Variants in MCF2L observed in about 807,000 individuals in gnomAD.
MCF2L encodes guanine nucleotide exchange factor DBS.
In MCF2L, 97 loss-of-function variants were observed where a neutral mutation model predicts 153.4. The observed-to-expected ratio is 0.63, with a 90% CI of 0.54 to 0.75. MCF2L has a LOEUF of 0.75. MCF2L is among the 30% of genes least tolerant of loss of function. The pLI is 0.00. For synonymous variants in MCF2L, 659 were observed against 632.2 expected, an observed-to-expected ratio of 1.04 and a Z score of -0.64; for missense variants, 1,347 against 1,495.2, an observed-to-expected ratio of 0.90 and a Z score of 1.64.
rs199990494 is a variant in MCF2L at position 113,076,131 on chromosome 13, G to A, written c.1474G>A (p.Glu492Lys). 43 of 1,613,522 alleles carry A rather than the reference G, an allele frequency of 2.7e-5. No individual in the cohort carries two copies. Among genetic ancestry groups the A allele is most frequent in the Middle Eastern group, 1.6e-4 (1 of 6,084 alleles). Residue 492 changes from glutamate (E) to lysine (K), a missense_variant, in exon 12 of 30, where the codon GAA (glutamate) becomes AAA (lysine). Physicochemically the swap from Glu to Lys is moderately conservative, Grantham distance 56. Around this residue, in one of 3 missense-constraint regions of MCF2L, gnomAD observed 820 missense variants for 921.2 expected, o/e 0.89. Transcript: ENST00000535094. ...GCTCAACGCGATTTACAAGGAATAC[G>A]AATCCATCCTCAACCAAGATCTCAT... is the stretch of plus-strand genomic sequence containing the variant. ...QELNAIYKEY[E>K]SILNQDLMEH...
chr13:113,061,661 G>C (rs1037220517), intron 5 of MCF2L, among the ~76,000 whole-genome samples: 1 of 148,026 alleles, frequency 6.8e-6, no homozygotes, highest in Non-Finnish European at 1.5e-5. Context: ...ACGGCCTGGG[G>C]CCTTTCCCCA....
At position 113,099,726 on chromosome 13, in the gene MCF2L, T is replaced by C. The variant is rs1357449049; in HGVS notation, c.*2867T>C. ...AAACTCCATATCAAATAAAAAATTTTAAATATGAGAGAACCATTATGAACA... is the reference window on the plus strand; with the variant it reads ...AAACTCCATATCAAATAAAAAATTTCAAATATGAGAGAACCATTATGAACA... On this transcript the variant is annotated 3_prime_UTR_variant, in exon 30 of 30. Coordinates refer to ENST00000535094, the MANE Select transcript of MCF2L (RefSeq NM_001112732.3). 1 of 152,180 alleles carries C rather than the reference T, an allele frequency of 6.6e-6. No individual in the cohort carries two copies. The highest frequency in any genetic ancestry group is 1.9e-4 in the East Asian group (1 of 5,206). 9.4% of individuals were successfully genotyped at this position (152,180 alleles called of 1,614,324 possible). A position where few individuals can be genotyped will look rare whatever the true frequency, so the allele number is the denominator to read the frequency against.
chr13:113,095,297 T>G, intron 27 of MCF2L: 1 of 1,176,210 alleles, frequency 8.5e-7, no homozygotes. Flanking sequence ...TCCCGGAGGC[T>G]CTGGAAGGGC....
chr13:113,062,852 G>A (rs1025705258), intron 5 of MCF2L, among the ~76,000 whole-genome samples: 4 of 152,162 alleles, frequency 2.6e-5, no homozygotes, highest in African/African-American at 7.2e-5. Context: ...GTGTGTAGAG[G>A]AGCTTATGCG....
intron 15 of MCF2L, among the ~76,000 whole-genome samples, chr13:113,080,199 G>A (rs112567898): frequency 1.3e-3 from 136 of 106,782 alleles, no homozygotes; most frequent in Middle Eastern, 7.5e-3. Flanking sequence ...GGGGGCATCC[G>A]CACAGAGGAG....
chr13:113,022,929 G>C lies in MCF2L; in HGVS notation c.164-1715G>C, dbSNP rs77151163. 7.7e-3 allele frequency among the ~76,000 whole-genome samples: 1,172 copies of C among 152,354 alleles called. 15 individuals carry two copies. The highest frequency in any genetic ancestry group is 0.027 in the African/African-American group (1,124 of 41,580). ...AGGTTTGTGAGTGAGTGACAGGCAC[G>C]TTCTATTGAGCACTGCATGGGGCAT... On this transcript the variant is annotated intron_variant, in intron 2 of 29. Transcript: ENST00000535094.
chr13:112,931,686 C>T (rs895309224), intron 2 of MCF2L, among the ~76,000 whole-genome samples: 2 of 152,188 alleles, frequency 1.3e-5, no homozygotes, highest in East Asian at 3.8e-4. Flanking sequence ...GTAAAAGCAA[C>T]TGGGCTTCTT....
chr13:112,937,863 G>T (rs1346784232), intron 2 of MCF2L, among the ~76,000 whole-genome samples: 1 of 152,194 alleles, frequency 6.6e-6, no homozygotes, highest in Non-Finnish European at 1.5e-5. Context: ...GGTGAACTGT[G>T]ATTGGTTGGT....
At chr13:112,915,671 A>G (rs1329779788) in intron 2 of MCF2L, among the ~76,000 whole-genome samples, 6 of 152,064 alleles carry the variant, frequency 3.9e-5, no homozygotes, top group African/African-American at 1.4e-4. Flanking sequence ...ATCTAATTAC[A>G]TGATTGCATG....
intron 4 of MCF2L, among the ~76,000 whole-genome samples, chr13:113,059,129 A>G (rs2030928283): frequency 6.6e-6 from 1 of 152,222 alleles, no homozygotes; most frequent in Non-Finnish European, 1.5e-5. Flanking sequence ...TTATGTTGCA[A>G]TCCCAGAGCT....
chr13:112,918,213 G>A (rs572789388), intron 2 of MCF2L, among the ~76,000 whole-genome samples: 17 of 152,306 alleles, frequency 1.1e-4, no homozygotes, highest in South Asian at 1.0e-3. Context: ...GCTCCTGAGC[G>A]CATGTTAGGG....
At chr13:112,963,700 G>A (rs1302634135) in intron 2 of MCF2L, among the ~76,000 whole-genome samples, 1 of 152,222 alleles carries the variant, frequency 6.6e-6, no homozygotes, top group Non-Finnish European at 1.5e-5. Context: ...AGGTAGGGCC[G>A]CTGCCTCTGC....
chr13:112,920,799 C>T (rs61961638), intron 2 of MCF2L, among the ~76,000 whole-genome samples: 12,436 of 151,938 alleles, frequency 0.082, 639 homozygotes, highest in South Asian at 0.14. Context: ...GGAAGAGCCC[C>T]ACAGGCTGAG....
At chr13:113,026,037 G>A (rs1163357334) in intron 3 of MCF2L, among the ~76,000 whole-genome samples, 132 of 87,642 alleles carry the variant, frequency 1.5e-3, no homozygotes, top group African/African-American at 5.8e-3. Context: ...ACTGTGGGTC[G>A]GGGCAGAGTC....
At chr13:112,955,586 G>A (rs2081747290) in intron 2 of MCF2L, among the ~76,000 whole-genome samples, 1 of 152,180 alleles carries the variant, frequency 6.6e-6, no homozygotes, top group South Asian at 2.1e-4. Flanking sequence ...GAGAGATTGA[G>A]TAACTCCCTC....
rs529613905 is a variant in MCF2L at position 112,933,166 on chromosome 13, G to A, written c.169+30795G>A. Among the ~76,000 whole-genome samples, 277 of 152,358 alleles carry A rather than the reference G, an allele frequency of 1.8e-3. 2 individuals are homozygous for A. The highest frequency in any genetic ancestry group is 3.5e-3 in the Admixed American group (54 of 15,308). On this transcript the variant is annotated intron_variant, in intron 2 of 29. Coordinates refer to the MCF2L transcript ENST00000375608. The stretch of plus-strand genomic sequence containing the variant: ...GAGACCCACAGCCTCCTGGAGGTCC[G>A]GGCGCTGGCCCCGCAGGGGTTGGCT...
rs1442928216 is a variant in MCF2L at position 112,951,477 on chromosome 13, T to C, written c.169+49106T>C. 6.6e-6 allele frequency among the ~76,000 whole-genome samples: 1 copy of C among 152,224 alleles called. No homozygotes were observed. The highest frequency in any genetic ancestry group is 1.5e-5 in the Non-Finnish European group (1 of 68,048). ...CAATGTCTTTTGGTGGGTGAAACGT[T>C]AAATTGTACGTCCGCACCATGAACT... On this transcript the variant is annotated intron_variant, in intron 2 of 29. Coordinates refer to the MCF2L transcript ENST00000375608. The surrounding 1 kb of genome is among the most constrained non-coding windows in gnomAD (Gnocchi z 4.8).
At chr13:112,942,615 C>T (rs58220014) in intron 2 of MCF2L, among the ~76,000 whole-genome samples, 16,810 of 152,160 alleles carry the variant, frequency 0.11, 1,395 homozygotes, top group African/African-American at 0.23. Context: ...CCCTACAGTC[C>T]ACCTGTCTGA....
intron 16 of MCF2L, among the ~76,000 whole-genome samples, chr13:113,081,483 T>C (rs1184767859): frequency 6.6e-6 from 1 of 152,026 alleles, no homozygotes; most frequent in African/African-American, 2.4e-5. Context: ...CTCAGGGGGG[T>C]CCGTACAGGG....
Sources: allele counts gnomAD v4.1 joint callset (sites outside exome capture counted in the v4.1 genomes callset), GRCh38; gene constraint gnomAD v4.1.1; regional missense constraint gnomAD v4.1.1; non-coding constraint Gnocchi (gnomAD v3.1); transcripts MANE v1.5; gene names NCBI Gene and HGNC (gene_info 2026-07-23, HGNC 2026-07-21).